RASA2: variants seen among roughly 807,000 people sequenced by gnomAD.
The protein encoded by RASA2 is RAS p21 protein activator 2.
Under a neutral mutation model 118.2 loss-of-function variants are expected in RASA2, and 155 were observed. The ratio of observed to expected loss-of-function variants is 1.31; its 90% CI spans 1.15 to 1.50. The LOEUF is 1.50. RASA2 is among the 40% of genes most tolerant of loss of function. The probability of loss-of-function intolerance (pLI) is 0.00; values close to 1 mark genes in which losing one functional copy is unlikely to be tolerated. For synonymous variants in RASA2, 353 were observed against 349.1 expected, an observed-to-expected ratio of 1.01 and a Z score of -0.12; for missense variants, 1,016 against 1,009.6, an observed-to-expected ratio of 1.01 and a Z score of -0.09.
chr3:141,535,189 T>C (rs763851872), intron 4 of RASA2, among the ~76,000 whole-genome samples: 25 of 152,358 alleles, frequency 1.6e-4, no homozygotes, highest in Non-Finnish European at 2.8e-4. Context: ...AATTAAAATA[T>C]GTATATTGTT....
At chr3:141,505,259 G>C (rs1049590600) in intron 1 of RASA2, among the ~76,000 whole-genome samples, 3 of 152,264 alleles carry the variant, frequency 2.0e-5, no homozygotes, top group South Asian at 2.1e-4. Flanking sequence ...TTTATTCACT[G>C]TTATATCCCC....
chr3:141,597,286 C>G (rs1439602926), intron 19 of RASA2, among the ~76,000 whole-genome samples: 6 of 152,146 alleles, frequency 3.9e-5, no homozygotes, highest in African/African-American at 9.7e-5. Context: ...GATTGAGCTA[C>G]TGACACATGC....
intron 4 of RASA2, among the ~76,000 whole-genome samples, chr3:141,535,036 G>T (rs1221870799): frequency 1.3e-5 from 2 of 151,968 alleles, no homozygotes; most frequent in Non-Finnish European, 2.9e-5. Flanking sequence ...TCACTGTGTC[G>T]TGCTTCACAG....
intron 19 of RASA2, among the ~76,000 whole-genome samples, chr3:141,599,678 C>T (rs907480953): frequency 6.6e-6 from 1 of 152,076 alleles, no homozygotes; most frequent in African/African-American, 2.4e-5. Context: ...AGGAAACTCC[C>T]TGTTGCCACA....
chr3:141,514,638 G>T (rs2081997087), intron 2 of RASA2, among the ~76,000 whole-genome samples: 1 of 152,162 alleles, frequency 6.6e-6, no homozygotes, highest in Non-Finnish European at 1.5e-5. Context: ...ACAGTTTCTT[G>T]TAAATTACAC....
chr3:141,500,578 A>G (rs2081764490), intron 1 of RASA2, among the ~76,000 whole-genome samples: 2 of 152,210 alleles, frequency 1.3e-5, no homozygotes, highest in Admixed American at 1.3e-4. Flanking sequence ...ATAGTTGTGA[A>G]AAGGTTAAAT....
At chr3:141,578,372 G>A (rs954546777) in intron 15 of RASA2, among the ~76,000 whole-genome samples, 2 of 152,206 alleles carry the variant, frequency 1.3e-5, no homozygotes, top group African/African-American at 4.8e-5. Flanking sequence ...CAGTACTGGA[G>A]ATGCAGTGAT....
chr3:141,495,242 C>G (rs918833280), intron 1 of RASA2, among the ~76,000 whole-genome samples: 14 of 152,178 alleles, frequency 9.2e-5, no homozygotes, highest in Admixed American at 2.0e-4. Flanking sequence ...TACACAATAG[C>G]TAAGCTAAGT....
intron 1 of RASA2, among the ~76,000 whole-genome samples, chr3:141,509,493 G>A (rs1344034964): frequency 6.6e-6 from 1 of 152,138 alleles, no homozygotes. Context: ...ATTAGATATG[G>A]AGCATATTTA....
At chr3:141,555,100 A>G (rs1441305049) in intron 6 of RASA2, among the ~76,000 whole-genome samples, 1 of 152,144 alleles carries the variant, frequency 6.6e-6, no homozygotes, top group Non-Finnish European at 1.5e-5. Context: ...CGTCTCTACT[A>G]AAAATACAGA....
chr3:141,536,726 CAT>C lies in RASA2; in HGVS notation c.451-3806_451-3805del, dbSNP rs967589353. 8.6e-5 allele frequency among the ~76,000 whole-genome samples: 13 copies of C among 150,598 alleles called. No individual in the cohort carries two copies. In the East Asian group the frequency reaches 2.3e-3, roughly 27 times the overall value. The stretch of plus-strand genomic sequence containing the variant: ...TGCAGTTGTAGACCAAATCACATTA[CAT>C]GTTTATTATCAAACATAGTACCTTG... On this transcript the variant is annotated intron_variant, in intron 4 of 23. Coordinates refer to ENST00000286364, the MANE Select transcript of RASA2 (RefSeq NM_006506.5).
chr3:141,536,968 A>G (rs887301347), intron 4 of RASA2, among the ~76,000 whole-genome samples: 2 of 152,070 alleles, frequency 1.3e-5, no homozygotes, highest in African/African-American at 4.8e-5. Context: ...GCTGGTCTCA[A>G]ACTGCTGACC....
intron 8 of RASA2, among the ~76,000 whole-genome samples, chr3:141,559,421 C>A (rs1488953655): frequency 1.3e-5 from 2 of 151,776 alleles, no homozygotes; most frequent in Non-Finnish European, 2.9e-5. Flanking sequence ...ATATCTATGC[C>A]CTTTGCGAAG....
intron 9 of RASA2, among the ~76,000 whole-genome samples, chr3:141,566,908 T>C (rs1183196924): frequency 6.6e-6 from 1 of 152,188 alleles, no homozygotes; most frequent in African/African-American, 2.4e-5. Flanking sequence ...TGTCTACTAC[T>C]AAGCCCATGT....
At chr3:141,555,613 A>G (rs1313641036) in intron 6 of RASA2, among the ~76,000 whole-genome samples, 8 of 151,504 alleles carry the variant, frequency 5.3e-5, no homozygotes, top group Non-Finnish European at 1.0e-4. Context: ...GTGTGTCCGT[A>G]GAGAGAATAA....
At chr3:141,526,223 A>C (rs185577699) in intron 3 of RASA2, 1 of 152,312 alleles carries the variant, frequency 6.6e-6, no homozygotes, top group African/African-American at 2.4e-5. Context: ...GAGACTCAGT[A>C]AATGCTGGCT....
At position 141,515,101 on chromosome 3, in the gene RASA2, A is replaced by G. The variant is rs561478920; in HGVS notation, c.252-1227A>G. 9.2e-5 allele frequency among the ~76,000 whole-genome samples: 14 copies of G among 152,324 alleles called. No individual in the cohort carries two copies. In the South Asian group the frequency reaches 1.7e-3, roughly 18 times the overall value. On this transcript the variant is annotated intron_variant, in intron 2 of 23. Transcript: ENST00000286364. ...CAGTTGTATAAATTTATCAGAAGTC[A>G]TCAACCTCTATACTTTAAATTGGAT...
chr3:141,494,569 A>G (rs986070376), intron 1 of RASA2, among the ~76,000 whole-genome samples: 3 of 152,056 alleles, frequency 2.0e-5, no homozygotes, highest in South Asian at 2.1e-4. Flanking sequence ...GGGTTTCACC[A>G]TGTTGGCCAG....
At chr3:141,577,173 A>G (rs2083026588) in intron 15 of RASA2, 67 bp downstream of exon 15, 1 of 1,231,526 alleles carries the variant, frequency 8.1e-7, no homozygotes, top group South Asian at 1.5e-5. Context: ...AAGAAAAGAT[A>G]AAATAAACCA....
Sources: gnomAD v4.1 joint callset for allele counts (sites outside exome capture counted in the v4.1 genomes callset) on GRCh38, gnomAD v4.1.1 for gene constraint, MANE v1.5 for transcripts, NCBI Gene and HGNC (gene_info 2026-07-23, HGNC 2026-07-21) for gene names.